Variants in PPP2R3A observed in about 807,000 individuals in gnomAD.
PPP2R3A encodes the protein protein phosphatase 2 regulatory subunit B''alpha.
Under a neutral mutation model 106.9 loss-of-function variants are expected in PPP2R3A, and 80 were observed. The ratio of observed to expected loss-of-function variants is 0.75; its 90% confidence interval spans 0.62 to 0.90. The LOEUF (loss-of-function observed/expected upper bound fraction) is 0.90, where lower values mean the gene tolerates loss of function less well. Among genes scored for constraint, PPP2R3A ranks in the 40% least tolerant of loss-of-function variants. The pLI is 0.00. For synonymous variants in PPP2R3A, 483 were observed against 468.3 expected (o/e 1.03, Z -0.41); for missense variants, 1,386 against 1,350.4 (o/e 1.03, Z -0.41).
chr3:136,054,198 C>CCTAT (rs1935778858), intron 5 of PPP2R3A, among the ~76,000 whole-genome samples: 1 of 151,594 alleles, frequency 6.6e-6, no homozygotes, highest in Non-Finnish European at 1.5e-5. Flanking sequence ...TACACATACA[C>CCTAT]CTATAAGCAC....
chr3:136,085,247 G>A (rs1576491067), intron 8 of PPP2R3A, among the ~76,000 whole-genome samples: 1 of 149,622 alleles, frequency 6.7e-6, no homozygotes, highest in South Asian at 2.1e-4. Context: ...TCATGATAGT[G>A]AGTAAGTCTC....
intron 3 of PPP2R3A, among the ~76,000 whole-genome samples, chr3:136,028,893 C>T (rs150197515): frequency 0.011 from 1,651 of 152,172 alleles, 25 homozygotes; most frequent in African/African-American, 0.033. Flanking sequence ...ACTCTTGTTG[C>T]CCAGGCTGGA....
rs550705884 is a variant in PPP2R3A at position 136,052,032 on chromosome 3, T to C, written c.2469+2671T>C. On this transcript the variant is annotated intron_variant, in intron 5 of 13. Coordinates refer to ENST00000264977, the MANE Select transcript of PPP2R3A (RefSeq NM_002718.5). Reference sequence around the variant, plus strand: ...AAATACTCATGAGAATGAAGATTCTTAATAGTTTTTGGCATTTAATTAAGA... The same window carrying C: ...AAATACTCATGAGAATGAAGATTCTCAATAGTTTTTGGCATTTAATTAAGA... Among the ~76,000 whole-genome samples the C allele has an allele frequency of 3.5e-4, 54 of 152,348 alleles. 1 individual carries two copies. Among genetic ancestry groups the C allele is most frequent in the African/African-American group, 1.3e-3 (54 of 41,580 alleles).
chr3:136,125,997 G>A (rs746126562), intron 13 of PPP2R3A, among the ~76,000 whole-genome samples: 24 of 152,126 alleles, frequency 1.6e-4, no homozygotes, highest in Admixed American at 5.2e-4. Flanking sequence ...CACAGTTATG[G>A]TTAAAAGAAA....
intron 4 of PPP2R3A, among the ~76,000 whole-genome samples, chr3:136,047,060 A>G (rs1935494323): frequency 6.6e-6 from 1 of 152,246 alleles, no homozygotes; most frequent in Non-Finnish European, 1.5e-5. Context: ...AATTTTAAAA[A>G]ATGAAAACTC....
chr3:136,069,154 C>A (rs6803786), intron 5 of PPP2R3A, among the ~76,000 whole-genome samples: 55,577 of 152,028 alleles, frequency 0.37, 11,754 homozygotes, highest in African/African-American at 0.59. Flanking sequence ...AGTTTCATAT[C>A]TTATCCATGT....
intron 1 of PPP2R3A, among the ~76,000 whole-genome samples, chr3:136,000,374 G>A (rs1933574205): frequency 6.6e-6 from 1 of 152,180 alleles, no homozygotes; most frequent in Non-Finnish European, 1.5e-5. Context: ...AGCAACTACA[G>A]TATATTTTAA....
rs1267077008 is a variant in PPP2R3A, at chr3:136,063,081, C to G, written c.2470-7397C>G. Among the ~76,000 whole-genome samples the G allele has an allele frequency of 1.2e-4, 19 of 152,084 alleles. 1 individual carries two copies. Among genetic ancestry groups the G allele is most frequent in the Admixed American group, 1.2e-3 (19 of 15,268 alleles). Reference sequence around the variant, plus strand: ...CTGGTACCAAAACAGAGATATAGACCAATGGAATAGAACAGAGCCCTCAGA... The same window carrying G: ...CTGGTACCAAAACAGAGATATAGACGAATGGAATAGAACAGAGCCCTCAGA... On this transcript the variant is annotated intron_variant, in intron 5 of 13. Transcript: ENST00000264977.
At chr3:136,117,973 C>T (rs1937841815) in intron 13 of PPP2R3A, among the ~76,000 whole-genome samples, 1 of 152,116 alleles carries the variant, frequency 6.6e-6, no homozygotes, top group Non-Finnish European at 1.5e-5. Context: ...TGCGAAAATC[C>T]TCAATAAAAT....
At position 136,001,574 on chromosome 3, in the gene PPP2R3A, C is replaced by G. The variant is rs767217304; in HGVS notation, c.76C>G (p.Gln26Glu). The change falls in exon 2 of 14, where the codon CAA becomes GAA. Residue 26 changes from glutamine (Q) to glutamate (E), a missense_variant. Gln to Glu is a conservative substitution (Grantham distance 29). Transcript: ENST00000264977. ...CGTGGTGATAGACCGGCGTTTTGAA[C>G]AAGCTATACATTATTGCACTGGAAC... is the stretch of plus-strand genomic sequence containing the variant. The part of the protein sequence containing the change: ...SSVVIDRRFE[Q>E]AIHYCTGTCH... 3.1e-6 allele frequency: 5 copies of G among 1,614,158 alleles called. No homozygotes were observed. The East Asian group carries it at 1.1e-4, about 36-fold the overall frequency.
intron 7 of PPP2R3A, among the ~76,000 whole-genome samples, chr3:136,079,466 T>G (rs1200637337): frequency 1.3e-5 from 2 of 150,856 alleles, no homozygotes; most frequent in Non-Finnish European, 2.9e-5. Flanking sequence ...TGGAGTGCAG[T>G]GGTGCGATCT....
chr3:136,093,727 T>C (rs1219423744), intron 10 of PPP2R3A, among the ~76,000 whole-genome samples: 3 of 152,176 alleles, frequency 2.0e-5, no homozygotes, highest in African/African-American at 7.2e-5. Context: ...AGGATAGTTA[T>C]CAAAGAGTCA....
At chr3:135,971,912 A>G (rs1290610722) in intron 1 of PPP2R3A, among the ~76,000 whole-genome samples, 1 of 152,128 alleles carries the variant, frequency 6.6e-6, no homozygotes, top group East Asian at 1.9e-4. Context: ...CTGAGTGGGG[A>G]GAGGACTTGG....
At chr3:135,993,389 A>T (rs1172450349) in intron 1 of PPP2R3A, among the ~76,000 whole-genome samples, 1 of 152,198 alleles carries the variant, frequency 6.6e-6, no homozygotes, top group Non-Finnish European at 1.5e-5. Flanking sequence ...AAGATGGCTA[A>T]AATTTACAAG....
rs1936484427 is a variant in PPP2R3A at position 136,073,057 on chromosome 3, T to C, written c.2544+2505T>C. Among the ~76,000 whole-genome samples, 4 of 152,178 alleles carry C rather than the reference T, an allele frequency of 2.6e-5. No homozygotes were observed. In the South Asian group the frequency reaches 8.3e-4, roughly 31 times the overall value. On this transcript the variant is annotated intron_variant, in intron 6 of 13. Coordinates refer to ENST00000264977, the MANE Select transcript of PPP2R3A (RefSeq NM_002718.5). ...GTCTCGGCTCACTGCAAGCTCCACC[T>C]CTCGGGTTCACGCCATTCTCCTGCC... is the stretch of plus-strand genomic sequence containing the variant.
At chr3:136,112,145 AAAT>A (rs747510525) in intron 13 of PPP2R3A, among the ~76,000 whole-genome samples, 89 of 152,184 alleles carry the variant, frequency 5.8e-4, no homozygotes, top group Non-Finnish European at 1.2e-3. Context: ...ACATACCTCA[AAAT>A]AATAAGGGCC....
Position 136,002,783 on chromosome 3 carries a change from A to G in PPP2R3A, c.1285A>G (p.Lys429Glu). 1 of 1,613,474 alleles carries G rather than the reference A, an allele frequency of 6.2e-7. No homozygotes were observed. Among genetic ancestry groups the G allele is most frequent in the South Asian group, 1.1e-5 (1 of 90,916 alleles). The change falls in exon 2 of 14, where the codon AAA becomes GAA. Residue 429 changes from lysine (K) to glutamate (E), a missense_variant. Transcript: ENST00000264977. Reference sequence around the variant, plus strand: ...GTCAGATGGAAAGAAAGCATTAGATAAAGGACAAAAGACAGAGAATGGACC... The same window carrying G: ...GTCAGATGGAAAGAAAGCATTAGATGAAGGACAAAAGACAGAGAATGGACC... ...EESDGKKALD[K>E]GQKTENGPSH... is the part of the protein sequence containing the mutation.
intron 9 of PPP2R3A, among the ~76,000 whole-genome samples, chr3:136,089,912 T>C (rs1937051770): frequency 6.6e-6 from 1 of 152,170 alleles, no homozygotes; most frequent in Admixed American, 6.5e-5. Flanking sequence ...TCAGCTTGAA[T>C]GCTATTGGTG....
In PPP2R3A at chr3:136,138,204, G is replaced by A. The variant is rs1057256132; in HGVS notation, c.3330-6839G>A. ...TGTTTTATTTTTTTCCACATTGAAC[G>A]AACCATATCAAAGCCCAATTTTAAT... is the stretch of plus-strand genomic sequence containing the variant. On this transcript the variant is annotated intron_variant, in intron 13 of 13. Coordinates refer to ENST00000264977, the MANE Select transcript of PPP2R3A (RefSeq NM_002718.5). Among the ~76,000 whole-genome samples the A allele has an allele frequency of 3.3e-5, 5 of 152,142 alleles. No individual in the cohort carries two copies. In the East Asian group the frequency reaches 7.7e-4, roughly 23 times the overall value.
Sources: gnomAD v4.1 joint callset for allele counts (sites outside exome capture counted in the v4.1 genomes callset) on GRCh38, gnomAD v4.1.1 for gene constraint, MANE v1.5 for transcripts, NCBI Gene and HGNC (gene_info 2026-07-23, HGNC 2026-07-21) for gene names.